Variants in ZER1 observed in about 807,000 individuals in gnomAD.
The protein encoded by ZER1 is zyg-11 related cell cycle regulator.
Under a neutral mutation model 78.8 loss-of-function variants are expected in ZER1, and 11 were observed. That is an observed-to-expected ratio of 0.14 (90% CI 0.09 to 0.23). The LOEUF is 0.23. Ranked by LOEUF, ZER1 falls within the 10% of genes least tolerant of loss-of-function variation. ZER1 has a pLI of 1.00. For missense variants in ZER1, 588 were observed against 996.9 expected (o/e 0.59, Z 5.52); for synonymous variants, 400 against 407.0 (o/e 0.98, Z 0.21).
chr9:128,741,019 C>G, intron 11 of ZER1, 132 bp from the exon 12 acceptor site: 1 of 636,746 alleles, frequency 1.6e-6, no homozygotes, highest in Non-Finnish European at 2.9e-6. Context: ...ATGCTGCCCT[C>G]CTACCCTCCA....
rs1014578277 is a variant in ZER1 at position 128,754,982 on chromosome 9, T to C, written c.158+426A>G. ...CGTTATTCTGGCACCGGCATGTACA[T>C]GCATATGTGGCCATGCTCACTGAAT... is the stretch of plus-strand genomic sequence containing the variant. On this transcript the variant is annotated intron_variant, in intron 2 of 15. Transcript: ENST00000291900. This position sits in a 1 kb window ranked among gnomAD's most constrained non-coding sequence, Gnocchi z 4.3. 6.6e-6 allele frequency among the ~76,000 whole-genome samples: 1 copy of C among 152,230 alleles called. No homozygotes were observed. The highest frequency in any genetic ancestry group is 1.9e-4 in the East Asian group (1 of 5,196).
chr9:128,741,887 C>A (rs746159231), intron 9 of ZER1, 46 bp from the exon 10 acceptor site: 1 of 1,613,774 alleles, frequency 6.2e-7, no homozygotes. Flanking sequence ...GGCTGAAGAA[C>A]TCCCACCCCC....
intron 7 of ZER1, 130 bp from the exon 8 acceptor site, chr9:128,750,919 G>A: frequency 1.4e-6 from 2 of 1,440,340 alleles, no homozygotes; most frequent in South Asian, 2.6e-5. Context: ...AGTGGGGCCT[G>A]GGGAGCAGAC....
At chr9:128,737,143 C>CA (rs1015455632) in intron 13 of ZER1, among the ~76,000 whole-genome samples, 12 of 149,314 alleles carry the variant, frequency 8.0e-5, no homozygotes, top group Non-Finnish European at 1.0e-4. Flanking sequence ...GACTCCGTCT[C>CA]AAAAAAAAAA....
At chr9:128,765,088 C>T (rs1486778416) in intron 1 of ZER1, among the ~76,000 whole-genome samples, 1 of 152,174 alleles carries the variant, frequency 6.6e-6, no homozygotes, top group Non-Finnish European at 1.5e-5. Context: ...TTTCCTAGTA[C>T]CCTGTACTTG....
intron 8 of ZER1, among the ~76,000 whole-genome samples, chr9:128,743,147 C>T (rs4837302): frequency 1 from 150,719 of 151,298 alleles, 75,075 homozygotes; most frequent in Middle Eastern, 1. Flanking sequence ...AGATGGAGTG[C>T]TGCTCTGTCG....
chr9:128,753,541 T>C lies in ZER1; in HGVS notation c.369A>G (p.Thr123=). The C allele has an allele frequency of 6.2e-7, 1 of 1,614,092 alleles. No individual in the cohort carries two copies. The highest frequency in any genetic ancestry group is 1.1e-5 in the South Asian group (1 of 91,090). The change falls in exon 4 of 16, where the codon ACA becomes ACG. Residue 123 remains threonine (T), a synonymous_variant. Transcript: ENST00000291900. The surrounding 1 kb of genome is among the most constrained non-coding windows in gnomAD (Gnocchi z 7.5). ...CCAGGGTGTGGCTGAAGCTCCTCAG[T>C]GTCTGCAGGCTCTTGGCGGACAGCT... The part of the protein sequence containing the change: ...CEKLSAKSLQ[T]LRSFSHTLVS...
At chr9:128,747,865 T>C (rs964438334) in intron 8 of ZER1, among the ~76,000 whole-genome samples, 2 of 152,180 alleles carry the variant, frequency 1.3e-5, no homozygotes, top group Admixed American at 6.6e-5. Context: ...GTGATCTGCC[T>C]TCCTCGGCCC....
intron 15 of ZER1, 93 bp downstream of exon 15, chr9:128,733,333 A>C: frequency 1.9e-6 from 2 of 1,050,620 alleles, no homozygotes; most frequent in Non-Finnish European, 2.9e-6. Context: ...GTCCCTGGGA[A>C]TTTCAGCCAT....
intron 13 of ZER1, among the ~76,000 whole-genome samples, chr9:128,738,729 T>C (rs1863181465): frequency 1.3e-5 from 2 of 151,844 alleles, no homozygotes; most frequent in Non-Finnish European, 2.9e-5. Context: ...TCCCCTAGGC[T>C]GGAGTGCAGT....
intron 9 of ZER1, 41 bp from the exon 10 acceptor site, chr9:128,741,882 A>C: frequency 1.2e-6 from 2 of 1,613,966 alleles, no homozygotes; most frequent in Non-Finnish European, 1.7e-6. Context: ...GCTGGGGCTG[A>C]AGAACTCCCA....
At chr9:128,762,716 C>A (rs1416972143) in intron 1 of ZER1, among the ~76,000 whole-genome samples, 1 of 152,194 alleles carries the variant, frequency 6.6e-6, no homozygotes, top group South Asian at 2.1e-4. Flanking sequence ...CCTGTGCTCC[C>A]CGGCCTGGGT....
intron 8 of ZER1, among the ~76,000 whole-genome samples, chr9:128,748,273 C>T (rs947807959): frequency 1.4e-4 from 21 of 151,744 alleles, no homozygotes; most frequent in Non-Finnish European, 1.9e-4. Context: ...GGCAGGGTGG[C>T]GGGCGCCTGT....
chr9:128,748,319 G>A (rs1000713220), intron 8 of ZER1, among the ~76,000 whole-genome samples: 18 of 150,800 alleles, frequency 1.2e-4, no homozygotes, highest in African/African-American at 4.4e-4. Context: ...GCAGAATAGC[G>A]TGAACCTGGG....
Position 128,740,107 on chromosome 9 carries a change from C to T in ZER1, c.1866G>A (p.Glu622=). The part of the protein sequence containing the change: ...QFISVFSNLL[E]SKADGIEVSY... ...AAACCTCGATCCCATCGGCCTTGCTCTCCAACAGGTTGCTGCCAGGAGAAA... is the reference window on the plus strand; with the variant it reads ...AAACCTCGATCCCATCGGCCTTGCTTTCCAACAGGTTGCTGCCAGGAGAAA... The change falls in exon 13 of 16, where the codon GAG becomes GAA. Residue 622 remains glutamate (E), a synonymous_variant. Transcript: ENST00000291900. The surrounding 1 kb of genome is among the most constrained non-coding windows in gnomAD (Gnocchi z 4.4). The T allele has an allele frequency of 4.4e-6, 7 of 1,600,168 alleles. No individual in the cohort carries two copies. Among genetic ancestry groups the T allele is most frequent in the Non-Finnish European group, 6.0e-6 (7 of 1,168,706 alleles).
rs1384797523 is a variant in ZER1 at position 128,761,113 on chromosome 9, G to A, written c.-94-5454C>T. 6.1e-5 allele frequency among the ~76,000 whole-genome samples: 9 copies of A among 146,398 alleles called. No individual in the cohort carries two copies. In the South Asian group the frequency reaches 1.2e-3, roughly 19 times the overall value. On this transcript the variant is annotated intron_variant, in intron 1 of 15. Coordinates refer to ENST00000291900, the MANE Select transcript of ZER1 (RefSeq NM_006336.4). The stretch of plus-strand genomic sequence containing the variant: ...GCGGAGCTTGCAGTGAGCCGAGATC[G>A]CGCCACTGCACTCCAGCCTGGGCGA...
At position 128,742,519 on chromosome 9, in the gene ZER1, C is replaced by T. The variant is rs1203135892; in HGVS notation, c.1575+11G>A. ...GCTCAGGAGGAAGGGGGCAGCGCCC[C>T]CCACACGTACCACGACAAAGCCCAT... On this transcript the variant is annotated intron_variant, in intron 9 of 15. Transcript: ENST00000291900. 6 of 1,613,344 alleles carry T rather than the reference C, an allele frequency of 3.7e-6. No homozygotes were observed. Among genetic ancestry groups the T allele is most frequent in the Non-Finnish European group, 5.1e-6 (6 of 1,180,048 alleles).
chr9:128,741,030 A>G (rs982874619), intron 11 of ZER1, 143 bp from the exon 12 acceptor site: 4 of 624,836 alleles, frequency 6.4e-6, no homozygotes, highest in Admixed American at 5.3e-5. Flanking sequence ...CTACCCTCCA[A>G]TGCTCCTAGG....
chr9:128,764,263 G>A (rs10988114), intron 1 of ZER1, among the ~76,000 whole-genome samples: 1 of 152,192 alleles, frequency 6.6e-6, no homozygotes, highest in Non-Finnish European at 1.5e-5. Context: ...CTCGCCATCA[G>A]AGGTCTGCAC....
Sources: gnomAD v4.1 joint callset for allele counts (sites outside exome capture counted in the v4.1 genomes callset) on GRCh38, gnomAD v4.1.1 for gene constraint, Gnocchi (gnomAD v3.1) non-coding constraint, MANE v1.5 for transcripts, NCBI Gene and HGNC (gene_info 2026-07-23, HGNC 2026-07-21) for gene names.